The following NACC2 variants were observed in gnomAD, a reference collection of about 807,000 sequenced individuals.
NACC2 encodes the protein NACC family member 2, also known as nucleus accumbens-associated protein 2.
In NACC2, 8 loss-of-function variants were observed where a neutral mutation model predicts 25.1. The observed-to-expected ratio is 0.32, with a 90% CI of 0.19 to 0.57. NACC2 has a LOEUF of 0.57. Among genes scored for constraint, NACC2 ranks in the 20% least tolerant of loss-of-function variants. The pLI, the probability that NACC2 is intolerant of heterozygous loss-of-function variation, is 0.89. For missense variants in NACC2, 644 were observed against 650.2 expected, an observed-to-expected ratio of 0.99 and a Z score of 0.10; for synonymous variants, 435 against 294.7, an observed-to-expected ratio of 1.48 and a Z score of -4.88.
intron 2 of NACC2, among the ~76,000 whole-genome samples, chr9:136,028,684 C>T (rs1359065183): frequency 5.3e-5 from 8 of 152,160 alleles, no homozygotes; most frequent in East Asian, 3.9e-4. Context: ...CCCTCCCAGG[C>T]GCAGCTGCAG....
chr9:136,049,950 C>G lies in NACC2; in HGVS notation c.572G>C (p.Arg191Pro). The G allele has an allele frequency of 3.4e-6, 2 of 589,300 alleles. No individual in the cohort carries two copies. The highest frequency in any genetic ancestry group is 4.0e-5 in the South Asian group (2 of 49,860). 36.5% of individuals were successfully genotyped at this position (589,300 alleles called of 1,614,324 possible). A position where few individuals can be genotyped will look rare whatever the true frequency, so the allele number is the denominator to read the frequency against. Residue 191 changes from arginine to proline, a missense_variant, in exon 2 of 6, where the codon CGC (arginine) becomes CCC (proline). By Grantham distance (103) the Arg-to-Pro change is moderately radical. Transcript: ENST00000277554. ...GTCCCGGGGCCCCGTCTCCAGCGGG[C>G]GCTTGGGGGCCAGGCCTGGGCCGGC... ...PPAGPGLAPK[R>P]PLETGPRDGV...
chr9:136,035,920 G>GTTTTTTTTTTTTTTTTTT (rs1840545029), intron 2 of NACC2, among the ~76,000 whole-genome samples: 1 of 152,112 alleles, frequency 6.6e-6, no homozygotes, highest in Non-Finnish European at 1.5e-5. Flanking sequence ...AACAATGTGT[G>GTTTTTTTTTTTTTTTTTT]TTTTTTGTTT....
At chr9:136,083,491 G>C (rs1036384013) in intron 1 of NACC2, among the ~76,000 whole-genome samples, 24 of 152,352 alleles carry the variant, frequency 1.6e-4, no homozygotes, top group African/African-American at 4.3e-4. Context: ...TTGGAACTAG[G>C]GTCTTTGCAG....
At position 136,041,121 on chromosome 9, in the gene NACC2, G is replaced by GAAGGAAAAGGAAGC. The variant is rs1188067884; in HGVS notation, c.886+8514_886+8515insGCTTCCTTTTCCTT. On this transcript the variant is annotated intron_variant, in intron 2 of 5. Coordinates refer to ENST00000277554, the MANE Select transcript of NACC2 (RefSeq NM_144653.5). ...AAGGAAAGGAAGGAAGGAAAGGAAGGAAGCAAGCAAGCATTCTTGGCTGGG... is the reference window on the plus strand; with the variant it reads ...AAGGAAAGGAAGGAAGGAAAGGAAGGAAGGAAAAGGAAGCAAGCAAGCAAGCATTCTTGGCTGGG... Among the ~76,000 whole-genome samples, 51 of 151,840 alleles carry GAAGGAAAAGGAAGC rather than the reference G, an allele frequency of 3.4e-4. No individual in the cohort carries two copies. In the South Asian group the frequency reaches 0.011, roughly 32 times the overall value.
Position 136,075,485 on chromosome 9 carries a change from G to A in NACC2, c.-60+19704C>T, listed in dbSNP as rs185878496. Among the ~76,000 whole-genome samples, 598 of 152,370 alleles carry A rather than the reference G, an allele frequency of 3.9e-3. 6 individuals are homozygous for A. Among genetic ancestry groups the A allele is most frequent in the African/African-American group, 0.014 (568 of 41,586 alleles). On this transcript the variant is annotated intron_variant, in intron 1 of 5. Transcript: ENST00000277554. ...GTCGGCAGCGGCTCCGTGTGAACCT[G>A]CCGTCTCCTACATCGCGGTACAGTT...
At chr9:136,068,634 T>C (rs1047375992) in intron 1 of NACC2, among the ~76,000 whole-genome samples, 3 of 151,846 alleles carry the variant, frequency 2.0e-5, no homozygotes, top group African/African-American at 7.3e-5. Context: ...ACTGCTGTTA[T>C]GCAGCATGTG....
intron 1 of NACC2, among the ~76,000 whole-genome samples, chr9:136,054,470 G>A (rs1463421317): frequency 2.0e-5 from 3 of 152,292 alleles, no homozygotes; most frequent in African/African-American, 7.2e-5. Context: ...GAACAAAGCT[G>A]AACTTTAGGA....
At position 136,022,713 on chromosome 9, in the gene NACC2, C is replaced by T. The variant is rs769638581; in HGVS notation, c.887-6284G>A. On this transcript the variant is annotated intron_variant, in intron 2 of 5. Transcript: ENST00000277554. The surrounding 1 kb of genome is among the most constrained non-coding windows in gnomAD (Gnocchi z 4.4). ...ACACAGGGCCCATCAACTACCAGTG[C>T]TGGCTGGGGCAGTGCCTCTGTCATC... 5.6e-4 allele frequency among the ~76,000 whole-genome samples: 86 copies of T among 152,260 alleles called. No individual in the cohort carries two copies. Among genetic ancestry groups the T allele is most frequent in the African/African-American group, 1.9e-3 (80 of 41,544 alleles).
Position 136,011,588 on chromosome 9 carries a change from G to A in NACC2, c.1692C>T (p.Gly564=), listed in dbSNP as rs750973982. 27 of 1,396,850 alleles carry A rather than the reference G, an allele frequency of 1.9e-5. No homozygotes were observed. The highest frequency in any genetic ancestry group is 3.1e-5 in the Admixed American group (1 of 31,914). 86.5% of individuals were successfully genotyped at this position (1,396,850 alleles called of 1,614,324 possible). A position where few individuals can be genotyped will look rare whatever the true frequency, so the allele number is the denominator to read the frequency against. The part of the protein sequence containing the change: ...SPPQPFEQGG[G]GPSRPQTPAA... ...CCGGCGTCTGGGGCCTGCTGGGGCC[G>A]CCCCCGCCCTGCTCAAAGGGCTGTG... is the stretch of plus-strand genomic sequence containing the variant. The change falls in exon 6 of 6, where the codon GGC becomes GGT. Residue 564 remains glycine (G), a synonymous_variant. Transcript: ENST00000277554.
intron 1 of NACC2, among the ~76,000 whole-genome samples, chr9:136,078,391 G>A (rs1830285370): frequency 6.6e-6 from 1 of 152,208 alleles, no homozygotes; most frequent in African/African-American, 2.4e-5. Context: ...TCTCATTTCA[G>A]GAACTAAAGG....
In NACC2 at chr9:136,013,088, A is replaced by C; in HGVS notation, c.1255+111T>G. 1.2e-6 allele frequency: 1 copy of C among 827,614 alleles called. No individual in the cohort carries two copies. Among genetic ancestry groups the C allele is most frequent in the Non-Finnish European group, 1.9e-6 (1 of 518,810 alleles). 51.3% of individuals were successfully genotyped at this position (827,614 alleles called of 1,614,324 possible). A position where few individuals can be genotyped will look rare whatever the true frequency, so the allele number is the denominator to read the frequency against. On this transcript the variant is annotated intron_variant, in intron 5 of 5. Coordinates refer to ENST00000277554, the MANE Select transcript of NACC2 (RefSeq NM_144653.5). The surrounding 1 kb of genome is among the most constrained non-coding windows in gnomAD (Gnocchi z 6.6). Reference sequence around the variant, plus strand: ...ATCAGACCATGCTCGGCCCCCAGGGACGGAAGCTGCAGGTGGCCGGGAGCA... The same window carrying C: ...ATCAGACCATGCTCGGCCCCCAGGGCCGGAAGCTGCAGGTGGCCGGGAGCA...
chr9:136,087,896 C>G (rs990147606), intron 1 of NACC2, among the ~76,000 whole-genome samples: 7 of 152,196 alleles, frequency 4.6e-5, no homozygotes, highest in African/African-American at 1.7e-4. Flanking sequence ...GTCTGCTGCC[C>G]AAGGCCGGCC....
chr9:136,078,151 A>G (rs1313513516), intron 1 of NACC2, among the ~76,000 whole-genome samples: 3 of 152,210 alleles, frequency 2.0e-5, no homozygotes, highest in Non-Finnish European at 1.5e-5. Context: ...ACAGTGGTAG[A>G]GAGTGGGATG....
In NACC2 at chr9:136,011,538, C is replaced by T. The variant is rs1170341466; in HGVS notation, c.1742G>A (p.Gly581Asp). 2.1e-6 allele frequency: 3 copies of T among 1,407,940 alleles called. No individual in the cohort carries two copies. Among genetic ancestry groups the T allele is most frequent in the East Asian group, 2.8e-5 (1 of 36,134 alleles). 87.2% of individuals were successfully genotyped at this position (1,407,940 alleles called of 1,614,324 possible). A position where few individuals can be genotyped will look rare whatever the true frequency, so the allele number is the denominator to read the frequency against. The part of the protein sequence containing the change: ...TPAAAARRPE[G>D]TYAGTL ...CGCTTACAAGGTCCCTGCATAGGTGCCCTCCGGCCTCCGGGCCGCGGCCGC... is the reference window on the plus strand; with the variant it reads ...CGCTTACAAGGTCCCTGCATAGGTGTCCTCCGGCCTCCGGGCCGCGGCCGC... Residue 581 changes from glycine (G) to aspartate (D), a missense_variant, in exon 6 of 6, where the codon GGC becomes GAC. Coordinates refer to ENST00000277554, the MANE Select transcript of NACC2 (RefSeq NM_144653.5).
chr9:136,013,106 C>CG lies in NACC2; in HGVS notation c.1255+92dup. 1 of 1,094,116 alleles carries CG rather than the reference C, an allele frequency of 9.1e-7. No individual in the cohort carries two copies. The highest frequency in any genetic ancestry group is 1.3e-6 in the Non-Finnish European group (1 of 748,978). 67.8% of individuals were successfully genotyped at this position (1,094,116 alleles called of 1,614,324 possible). A position where few individuals can be genotyped will look rare whatever the true frequency, so the allele number is the denominator to read the frequency against. ...CCCAGGGACGGAAGCTGCAGGTGGC[C>CG]GGGAGCACCCCCGCGGCCCACCCAG... On this transcript the variant is annotated intron_variant, in intron 5 of 5. Transcript: ENST00000277554. The surrounding 1 kb of genome is among the most constrained non-coding windows in gnomAD (Gnocchi z 6.6).
At chr9:136,047,541 C>T (rs1840749256) in intron 2 of NACC2, among the ~76,000 whole-genome samples, 1 of 152,182 alleles carries the variant, frequency 6.6e-6, no homozygotes, top group Non-Finnish European at 1.5e-5. Flanking sequence ...CGTGCAAAGG[C>T]AGAGAATGCC....
intron 1 of NACC2, among the ~76,000 whole-genome samples, chr9:136,056,253 G>A (rs75219704): frequency 3.0e-3 from 464 of 152,314 alleles, no homozygotes; most frequent in African/African-American, 0.01. Context: ...TGGGCTGCCC[G>A]GAGGCCTGGC....
chr9:136,042,805 C>T (rs898833931), intron 2 of NACC2, among the ~76,000 whole-genome samples: 34 of 150,590 alleles, frequency 2.3e-4, no homozygotes, highest in Middle Eastern at 7.0e-3. Context: ...CACAGTGTTG[C>T]CCCATCCTGG....
At chr9:136,016,146 T>C (rs1343468718) in intron 3 of NACC2, 119 bp downstream of exon 3, 9 of 1,147,474 alleles carry the variant, frequency 7.8e-6, no homozygotes, top group African/African-American at 3.1e-5. Flanking sequence ...TTAGAGGAAA[T>C]TTAAGATTTT....
Sources: allele counts gnomAD v4.1 joint callset (sites outside exome capture counted in the v4.1 genomes callset), GRCh38; gene constraint gnomAD v4.1.1; non-coding constraint Gnocchi (gnomAD v3.1); transcripts MANE v1.5; gene names NCBI Gene and HGNC (gene_info 2026-07-23, HGNC 2026-07-21).